TUSC3: variants seen among roughly 807,000 people sequenced by gnomAD.
TUSC3 encodes dolichyl-diphosphooligosaccharide--protein glycosyltransferase subunit TUSC3.
A neutral mutation model predicts 44.8 loss-of-function variants in TUSC3; 45 were observed. The observed-to-expected ratio is 1.00, with a 90% CI of 0.79 to 1.29. The LOEUF is 1.29. Ranked by LOEUF, TUSC3 falls within the 50% of genes most tolerant of loss-of-function variation. The pLI is 0.00. For missense variants in TUSC3, 519 were observed against 437.9 expected, an observed-to-expected ratio of 1.19 and a Z score of -1.65; for synonymous variants, 212 against 152.9, an observed-to-expected ratio of 1.39 and a Z score of -2.85.
intron 1 of TUSC3, among the ~76,000 whole-genome samples, chr8:15,594,408 G>GT (rs1327070198): frequency 6.6e-6 from 1 of 152,088 alleles, no homozygotes; most frequent in Non-Finnish European, 1.5e-5. Context: ...ATCATGGAAT[G>GT]TATTTTCCTG....
At chr8:15,721,532 G>A (rs1220713589) in intron 6 of TUSC3, among the ~76,000 whole-genome samples, 1 of 151,930 alleles carries the variant, frequency 6.6e-6, no homozygotes, top group Non-Finnish European at 1.5e-5. Flanking sequence ...AGTAATTACA[G>A]CATAGATTTA....
In TUSC3 at chr8:15,478,205, A is replaced by G. The variant is rs573615354; in HGVS notation, n.92-5181A>G. On this transcript the variant is annotated intron_variant and non_coding_transcript_variant, in intron 1 of 5. Transcript: ENST00000503191. ...GGTCTCAAAGTCCGGGCCTCAAGTC[A>G]TACACCTGCCTCAGCCTCCCAAAGT... Among the ~76,000 whole-genome samples the G allele has an allele frequency of 3.3e-5, 5 of 152,290 alleles. No individual in the cohort carries two copies. The East Asian group carries it at 7.7e-4, about 24-fold the overall frequency.
At chr8:15,427,965 A>T (rs1475484041) in intron 1 of TUSC3, among the ~76,000 whole-genome samples, 1 of 144,480 alleles carries the variant, frequency 6.9e-6, no homozygotes, top group Non-Finnish European at 1.5e-5. Context: ...TTCTTTTTTT[A>T]AATTTTTTTT....
chr8:15,843,294 G>A, the TUSC3 span, among the ~76,000 whole-genome samples: 1 of 152,094 alleles, frequency 6.6e-6, no homozygotes, highest in Non-Finnish European at 1.5e-5. Context: ...TCTGATAAAA[G>A]TTTTTGGGTC....
intron 1 of TUSC3, among the ~76,000 whole-genome samples, chr8:15,595,317 A>G (rs569145568): frequency 9.2e-5 from 14 of 152,038 alleles, no homozygotes; most frequent in Admixed American, 2.0e-4. Context: ...CTTTGTGTAA[A>G]TCTTTCCTCT....
intron 2 of TUSC3, among the ~76,000 whole-genome samples, chr8:15,623,695 T>A (rs1253122054): frequency 6.6e-6 from 1 of 152,098 alleles, no homozygotes. Context: ...ATGAAATGTT[T>A]GTCTGGAGGA....
At chr8:15,638,730 T>G (rs1806213247) in intron 2 of TUSC3, among the ~76,000 whole-genome samples, 2 of 152,114 alleles carry the variant, frequency 1.3e-5, no homozygotes, top group South Asian at 4.1e-4. Context: ...TTCACCATGT[T>G]GGCCAGGCTG....
In TUSC3 at chr8:15,643,951, G is replaced by A. The variant is rs539794235; in HGVS notation, c.309-6746G>A. On this transcript the variant is annotated intron_variant, in intron 2 of 10. Coordinates refer to ENST00000503731, the MANE Select transcript of TUSC3 (RefSeq NM_006765.4). ...ATGGCATAAGTACAATTCATTTTAC[G>A]TATATAACTGTAAAGACATACAATG... Among the ~76,000 whole-genome samples the A allele has an allele frequency of 3.9e-5, 6 of 152,072 alleles. 1 individual carries two copies. The South Asian group carries it at 6.2e-4, about 16-fold the overall frequency.
intron 1 of TUSC3, among the ~76,000 whole-genome samples, chr8:15,464,137 T>C (rs1319629390): frequency 1.3e-5 from 2 of 152,158 alleles, no homozygotes; most frequent in South Asian, 2.1e-4. Flanking sequence ...GGTTTACTGG[T>C]TACCATGATA....
intron 6 of TUSC3, among the ~76,000 whole-genome samples, chr8:15,712,051 C>T (rs993482837): frequency 2.6e-5 from 4 of 151,802 alleles, no homozygotes; most frequent in Admixed American, 6.6e-5. Context: ...TGCACAGTTT[C>T]GTCACATAAT....
At chr8:15,550,020 C>T (rs761641208) in intron 1 of TUSC3, among the ~76,000 whole-genome samples, 4 of 151,660 alleles carry the variant, frequency 2.6e-5, no homozygotes, top group Non-Finnish European at 4.4e-5. Context: ...GGGTCATGAT[C>T]GATTGAGCAA....
chr8:15,694,658 G>A (rs549236994), intron 6 of TUSC3, among the ~76,000 whole-genome samples: 1 of 152,150 alleles, frequency 6.6e-6, no homozygotes, highest in African/African-American at 2.4e-5. Context: ...GGTATAAGGT[G>A]GGCATGGTTG....
In TUSC3 at chr8:15,683,642, C is replaced by T. The variant is rs1293178006; in HGVS notation, c.798+9806C>T. Reference sequence around the variant, plus strand: ...CTGAATTTATATCTTTAATTTCAGACATTTCATCCTGGTTAGGATCGATTG... The same window carrying T: ...CTGAATTTATATCTTTAATTTCAGATATTTCATCCTGGTTAGGATCGATTG... On this transcript the variant is annotated intron_variant, in intron 6 of 10. Transcript: ENST00000503731. Among the ~76,000 whole-genome samples the T allele has an allele frequency of 2.6e-5, 4 of 152,108 alleles. No individual in the cohort carries two copies. In the East Asian group the frequency reaches 5.8e-4, roughly 22 times the overall value.
intron 2 of TUSC3, among the ~76,000 whole-genome samples, chr8:15,484,833 T>C (rs565689182): frequency 1.4e-4 from 22 of 152,340 alleles, no homozygotes; most frequent in African/African-American, 5.3e-4. Flanking sequence ...TTACTATCAT[T>C]TAAAATATAT....
the TUSC3 span, among the ~76,000 whole-genome samples, chr8:15,844,566 C>A: frequency 6.6e-6 from 1 of 152,088 alleles, no homozygotes; most frequent in African/African-American, 2.4e-5. Flanking sequence ...ATTTATGTTA[C>A]TTTTTTCCTG....
intron 1 of TUSC3, among the ~76,000 whole-genome samples, chr8:15,607,931 A>G (rs554468490): frequency 6.6e-6 from 1 of 152,292 alleles, no homozygotes; most frequent in South Asian, 2.1e-4. Context: ...GAAGTGTCAT[A>G]TCTTGAATGC....
At chr8:15,851,220 T>A in the TUSC3 span, among the ~76,000 whole-genome samples, 1 of 152,208 alleles carries the variant, frequency 6.6e-6, no homozygotes, top group Non-Finnish European at 1.5e-5. Flanking sequence ...GTTCCCATTG[T>A]GAAAATAATA....
At chr8:15,561,820 C>G (rs1802478658) in intron 1 of TUSC3, 1 of 152,518 alleles carries the variant, frequency 6.6e-6, no homozygotes, top group Non-Finnish European at 1.5e-5. Context: ...CTCCCTGACC[C>G]CTTGCGCTTC....
chr8:15,652,492 A>G (rs1585195468), intron 3 of TUSC3, among the ~76,000 whole-genome samples: 1 of 152,222 alleles, frequency 6.6e-6, no homozygotes, highest in Middle Eastern at 3.4e-3. Context: ...TATGGTACCT[A>G]TTCTATAGGA....
Sources: allele counts gnomAD v4.1 joint callset (sites outside exome capture counted in the v4.1 genomes callset), GRCh38; gene constraint gnomAD v4.1.1; transcripts MANE v1.5; gene names NCBI Gene and HGNC (gene_info 2026-07-23, HGNC 2026-07-21).